STX5: variants seen among roughly 807,000 people sequenced by gnomAD.
STX5 encodes syntaxin 5.
A neutral mutation model predicts 42.9 loss-of-function variants in STX5; 15 were observed. The ratio of observed to expected loss-of-function variants is 0.35; its 90% CI spans 0.23 to 0.54. STX5 has a LOEUF of 0.54. STX5 is among the 20% of genes least tolerant of loss of function. The pLI is 0.91. For missense variants in STX5, 430 were observed against 455.0 expected, an observed-to-expected ratio of 0.95 and a Z score of 0.50; for synonymous variants, 184 against 173.2, an observed-to-expected ratio of 1.06 and a Z score of -0.49.
chr11:62,827,644 G>A lies in STX5; in HGVS notation c.226-13C>T. 6.2e-7 allele frequency: 1 copy of A among 1,614,136 alleles called. No individual in the cohort carries two copies. The highest frequency in any genetic ancestry group is 1.7e-4 in the Middle Eastern group (1 of 6,054). On this transcript the variant is annotated splice_polypyrimidine_tract_variant and intron_variant, in intron 2 of 10. Transcript: ENST00000294179. ...TCTGGATTCCATTCTGAAAAGCAAT[G>A]GCAGGAGGTGACAACTTTAGTTCTC... is the stretch of plus-strand genomic sequence containing the variant.
In STX5 at chr11:62,831,204, G is replaced by A. The variant is rs1190733489; in HGVS notation, c.40C>T (p.Gln14Ter). ...RKRYGSKNTDQGVYLGLSKTQ... is the reference protein window; with the variant it reads ...RKRYGSKNTD ...TTTGAGAGACCCAGGTAGACACCCT[G>A]ATCCGTGTTCTTAGACCCGTAGCGT... Residue 14 changes from glutamine to a stop codon, truncating the protein, a stop_gained, in exon 2 of 11, where the codon CAG becomes TAG. Coordinates refer to ENST00000294179, the MANE Select transcript of STX5 (RefSeq NM_003164.5). LOFTEE classifies it high-confidence loss of function. The A allele has an allele frequency of 1.3e-6, 2 of 1,566,292 alleles. No homozygotes were observed. Among genetic ancestry groups the A allele is most frequent in the East Asian group, 2.3e-5 (1 of 43,354 alleles).
chr11:62,819,061 T>A (rs1590968639), intron 10 of STX5, among the ~76,000 whole-genome samples: 1 of 146,318 alleles, frequency 6.8e-6, no homozygotes, highest in Non-Finnish European at 1.5e-5. Flanking sequence ...CTACTAAAAA[T>A]ACAAAAAAAA....
At chr11:62,826,751 G>A (rs1384521553) in intron 5 of STX5, among the ~76,000 whole-genome samples, 1 of 151,462 alleles carries the variant, frequency 6.6e-6, no homozygotes, top group Non-Finnish European at 1.5e-5. Flanking sequence ...TTGGTAGCGG[G>A]TGCCTATAGT....
At chr11:62,827,782 G>T in intron 2 of STX5, 151 bp from the exon 3 acceptor site, 3 of 776,820 alleles carry the variant, frequency 3.9e-6, no homozygotes, top group Non-Finnish European at 6.2e-6. Flanking sequence ...TTAGAGTCCA[G>T]ATTTGAAGAG....
In STX5 at chr11:62,825,343, GAAGAA is replaced by G; in HGVS notation, c.541-9_541-5del. 6.2e-7 allele frequency: 1 copy of G among 1,614,156 alleles called. No individual in the cohort carries two copies. Among genetic ancestry groups the G allele is most frequent in the Non-Finnish European group, 8.5e-7 (1 of 1,180,030 alleles). On this transcript the variant is annotated splice_region_variant and splice_polypyrimidine_tract_variant and intron_variant, in intron 6 of 10. Coordinates refer to ENST00000294179, the MANE Select transcript of STX5 (RefSeq NM_003164.5). ...TGGACATAGAAGCCAGTTTCGACTAGAAGAAAAGGAGAGAGGGTCAACCAAAGAAG... is the reference window on the plus strand; with the variant it reads ...TGGACATAGAAGCCAGTTTCGACTAGAAGGAGAGAGGGTCAACCAAAGAAG...
At chr11:62,825,646 C>A (rs1272684899) in intron 5 of STX5, 107 bp from the exon 6 acceptor site, 5 of 998,532 alleles carry the variant, frequency 5.0e-6, no homozygotes, top group Non-Finnish European at 1.6e-6. Context: ...AAGTTACTAG[C>A]CAGAGTGAGA....
At chr11:62,809,768 C>T (rs367974484) in intron 10 of STX5, among the ~76,000 whole-genome samples, 19 of 131,828 alleles carry the variant, frequency 1.4e-4, no homozygotes, top group East Asian at 1.3e-3. Context: ...AGGAATAAAA[C>T]AGCATGAAAT....
chr11:62,832,019 A>G lies in STX5; in HGVS notation c.-85T>C, dbSNP rs1307314003. On this transcript the variant is annotated 5_prime_UTR_variant, in exon 1 of 11. Coordinates refer to ENST00000294179, the MANE Select transcript of STX5 (RefSeq NM_003164.5). ...ACCGGCCGTCACTGCCTCCTCCCCG[A>G]GCACTGAAGCCGCCGAAACCCGACC... 4.2e-6 allele frequency: 2 copies of G among 475,488 alleles called. No individual in the cohort carries two copies. The highest frequency in any genetic ancestry group is 8.3e-6 in the Non-Finnish European group (2 of 240,590). The allele number at this position is 475,488 out of a possible 1,614,324, so 29.5% of individuals were successfully genotyped here. A position where few individuals can be genotyped will look rare whatever the true frequency, so the allele number is the denominator to read the frequency against.
chr11:62,815,166 C>A (rs1203327760), intron 10 of STX5, among the ~76,000 whole-genome samples: 1 of 151,810 alleles, frequency 6.6e-6, no homozygotes, highest in Non-Finnish European at 1.5e-5. Context: ...CAGCACCACG[C>A]CCAGTTAATT....
Position 62,824,563 on chromosome 11 carries a change from C to A in STX5, c.682G>T (p.Gly228Cys). ...ALPLAPNHLG[G>C]GAVVLGAESH... ...TCTGCCCCCAGAACCACAGCACCAC[C>A]GCCTGGGGGAGAAAACAGGATGTGG... Residue 228 changes from glycine (G) to cysteine (C), a missense_variant and splice_region_variant, in exon 9 of 11, where the codon GGT becomes TGT. Gly to Cys is a radical substitution (Grantham distance 159). Transcript: ENST00000294179. The A allele has an allele frequency of 6.2e-7, 1 of 1,614,024 alleles. No individual in the cohort carries two copies. Among genetic ancestry groups the A allele is most frequent in the Non-Finnish European group, 8.5e-7 (1 of 1,179,938 alleles).
At chr11:62,809,809 G>T (rs2084596736) in intron 10 of STX5, among the ~76,000 whole-genome samples, 1 of 147,564 alleles carries the variant, frequency 6.8e-6, no homozygotes, top group East Asian at 2.1e-4. Flanking sequence ...TTCGGCAAAA[G>T]AAAGAGGGGA....
rs1232676186 is a variant in STX5, at chr11:62,825,619, T to C, written c.424-80A>G. The C allele has an allele frequency of 3.1e-6, 4 of 1,275,492 alleles. No individual in the cohort carries two copies. The African/African-American group carries it at 4.4e-5, about 14-fold the overall frequency. 79.0% of individuals were successfully genotyped at this position (1,275,492 alleles called of 1,614,324 possible). A position where few individuals can be genotyped will look rare whatever the true frequency, so the allele number is the denominator to read the frequency against. On this transcript the variant is annotated intron_variant, in intron 5 of 10. Coordinates refer to ENST00000294179, the MANE Select transcript of STX5 (RefSeq NM_003164.5). ...CATCTCTCACGATGGCCATCTCTGG[T>C]AGGAAGGACAAGGTGGAAGTTACTA... is the stretch of plus-strand genomic sequence containing the variant.
intron 5 of STX5, among the ~76,000 whole-genome samples, chr11:62,826,663 C>T (rs2084799619): frequency 6.6e-6 from 1 of 151,906 alleles, no homozygotes; most frequent in Admixed American, 6.6e-5. Flanking sequence ...CCAAGGTGGG[C>T]GGCTCACTTG....
intron 2 of STX5, among the ~76,000 whole-genome samples, chr11:62,829,286 T>C (rs1263936402): frequency 6.7e-6 from 1 of 149,516 alleles, no homozygotes; most frequent in African/African-American, 2.5e-5. Context: ...TAGCCAGGCA[T>C]GGTGGCGCAT....
At chr11:62,808,448 A>C (rs35387034) in intron 10 of STX5, among the ~76,000 whole-genome samples, 6 of 149,854 alleles carry the variant, frequency 4.0e-5, no homozygotes, top group South Asian at 2.1e-4. Flanking sequence ...AAAAAAAAAA[A>C]CACCAAAAAA....
intron 10 of STX5, among the ~76,000 whole-genome samples, chr11:62,812,520 G>T (rs1304859575): frequency 6.6e-6 from 1 of 150,834 alleles, no homozygotes; most frequent in Non-Finnish European, 1.5e-5. Context: ...CTGGGTTCAC[G>T]CCATTCTCCT....
At chr11:62,818,976 T>C (rs1338116451) in intron 10 of STX5, among the ~76,000 whole-genome samples, 1 of 151,744 alleles carries the variant, frequency 6.6e-6, no homozygotes, top group Non-Finnish European at 1.5e-5. Context: ...TCCCAGCACT[T>C]TGGGAGGCCG....
At chr11:62,826,601 T>C (rs573195344) in intron 5 of STX5, among the ~76,000 whole-genome samples, 1 of 148,406 alleles carries the variant, frequency 6.7e-6, no homozygotes, top group East Asian at 2.0e-4. Context: ...TAAAAGTTAT[T>C]ATTACAGTCG....
chr11:62,809,588 G>A (rs1007378984), intron 10 of STX5, among the ~76,000 whole-genome samples: 2 of 144,468 alleles, frequency 1.4e-5, no homozygotes, highest in Non-Finnish European at 3.0e-5. Context: ...GCAGGAGAAT[G>A]GTGTGAACCT....
Sources: gnomAD v4.1 joint callset for allele counts (sites outside exome capture counted in the v4.1 genomes callset) on GRCh38, gnomAD v4.1.1 for gene constraint, MANE v1.5 for transcripts, NCBI Gene and HGNC (gene_info 2026-07-23, HGNC 2026-07-21) for gene names.